Variants in VPS35L observed in about 807,000 individuals in gnomAD.
VPS35L encodes VPS35 endosomal protein-sorting factor-like.
VPS35L carries 83 observed loss-of-function variants against 133.0 expected under a neutral mutation model. That is an observed-to-expected ratio of 0.62 (90% CI 0.52 to 0.75). The LOEUF (loss-of-function observed/expected upper bound fraction) is 0.75. VPS35L is among the 30% of genes least tolerant of loss of function. The pLI, the probability that VPS35L is intolerant of heterozygous loss-of-function variation, is 0.00. For synonymous variants in VPS35L, 423 were observed against 449.9 expected, an observed-to-expected ratio of 0.94 and a Z score of 0.76; for missense variants, 1,083 against 1,206.8, an observed-to-expected ratio of 0.90 and a Z score of 1.52.
At chr16:19,647,378 TAGG>T (rs1201924045) in intron 23 of VPS35L, among the ~76,000 whole-genome samples, 2 of 152,122 alleles carry the variant, frequency 1.3e-5, no homozygotes, top group Admixed American at 6.5e-5. Context: ...TTTGAAGAAA[TAGG>T]AGAAGAGAGG....
chr16:19,603,571 T>C (rs1485678361), intron 9 of VPS35L, among the ~76,000 whole-genome samples: 1 of 152,152 alleles, frequency 6.6e-6, no homozygotes, highest in Non-Finnish European at 1.5e-5. Flanking sequence ...TCCACGCCAC[T>C]GCGTCACACC....
At chr16:19,584,651 C>T (rs1465427466) in intron 7 of VPS35L, among the ~76,000 whole-genome samples, 1 of 144,596 alleles carries the variant, frequency 6.9e-6, no homozygotes, top group Non-Finnish European at 1.5e-5. Flanking sequence ...AAAAGAGTTT[C>T]CTTTTCTCTG....
intron 14 of VPS35L, among the ~76,000 whole-genome samples, chr16:19,625,589 C>T (rs930699344): frequency 2.6e-5 from 4 of 152,162 alleles, no homozygotes; most frequent in Non-Finnish European, 4.4e-5. Flanking sequence ...GAGTTGGCAA[C>T]TCTTCCGAAG....
intron 8 of VPS35L, among the ~76,000 whole-genome samples, chr16:19,600,333 A>G (rs544421947): frequency 6.6e-6 from 1 of 152,204 alleles, no homozygotes; most frequent in Non-Finnish European, 1.5e-5. Flanking sequence ...GAAAATGAAT[A>G]AGGACTCTAA....
chr16:19,583,232 C>G (rs2151519434), intron 7 of VPS35L, among the ~76,000 whole-genome samples: 1 of 152,158 alleles, frequency 6.6e-6, no homozygotes, highest in Non-Finnish European at 1.5e-5. Context: ...TTCCCCCGAG[C>G]CTGTCTGTAA....
intron 27 of VPS35L, among the ~76,000 whole-genome samples, chr16:19,672,556 C>G (rs1974912042): frequency 6.6e-6 from 1 of 152,204 alleles, no homozygotes; most frequent in Non-Finnish European, 1.5e-5. Flanking sequence ...TGTTCAGATT[C>G]CAAGTCTTCA....
At chr16:19,555,777 G>A (rs1253852964) in intron 1 of VPS35L, 31 bp downstream of exon 1, 4 of 1,560,890 alleles carry the variant, frequency 2.6e-6, no homozygotes, top group Non-Finnish European at 3.5e-6. Flanking sequence ...GGGCTTTGGA[G>A]AGGGGCTGTC....
intron 17 of VPS35L, among the ~76,000 whole-genome samples, chr16:19,629,474 C>G (rs991628791): frequency 6.6e-6 from 1 of 151,500 alleles, no homozygotes; most frequent in Non-Finnish European, 1.5e-5. Flanking sequence ...GCGTTCAGAA[C>G]TGCCATAAAA....
At chr16:19,654,513 C>T (rs1303077444) in intron 26 of VPS35L, among the ~76,000 whole-genome samples, 3 of 149,014 alleles carry the variant, frequency 2.0e-5, no homozygotes, top group Admixed American at 1.3e-4. Context: ...GAGCCGAGAT[C>T]GCACCACTTG....
rs749765639 is a variant in VPS35L at position 19,682,321 on chromosome 16, A to G, written c.2458A>G (p.Ile820Val). Reference protein sequence around the residue: ...WEDNSDEKIRIYTCVLHLLSA... With the variant: ...WEDNSDEKIRVYTCVLHLLSA... ...GGACAACAGCGATGAGAAAATCCGC[A>G]TCTACACCTGCGTCCTGCATCTCCT... Residue 820 changes from isoleucine to valine, a missense_variant, in exon 28 of 31, where the codon ATC (isoleucine) becomes GTC (valine). Physicochemically the swap from Ile to Val is conservative, Grantham distance 29. Transcript: ENST00000417362. 3.7e-6 allele frequency: 6 copies of G among 1,614,022 alleles called. No individual in the cohort carries two copies. The highest frequency in any genetic ancestry group is 5.1e-6 in the Non-Finnish European group (6 of 1,180,026).
chr16:19,621,055 G>C (rs1044063653), intron 14 of VPS35L, among the ~76,000 whole-genome samples: 1 of 152,118 alleles, frequency 6.6e-6, no homozygotes, highest in Non-Finnish European at 1.5e-5. Context: ...TATATCCATG[G>C]CATGGATTAA....
chr16:19,700,353 G>C, intron 30 of VPS35L, 25 bp from the exon 31 acceptor site: 2 of 1,586,530 alleles, frequency 1.3e-6, no homozygotes, highest in Middle Eastern at 3.3e-4. Flanking sequence ...CCAGAAAGGA[G>C]ATGGATCTTT....
chr16:19,660,901 A>G (rs1416848610), intron 26 of VPS35L, among the ~76,000 whole-genome samples: 3 of 152,196 alleles, frequency 2.0e-5, no homozygotes, highest in South Asian at 4.1e-4. Context: ...AAAGTCTCCA[A>G]TAATATGCTG....
chr16:19,573,400 G>A, intron 4 of VPS35L, 159 bp downstream of exon 4: 1 of 798,476 alleles, frequency 1.3e-6, no homozygotes, highest in South Asian at 2.1e-5. Context: ...TAGTATGTCA[G>A]TGTTGTTGGC....
At chr16:19,679,980 G>A (rs1012458865) in intron 27 of VPS35L, among the ~76,000 whole-genome samples, 6 of 152,336 alleles carry the variant, frequency 3.9e-5, no homozygotes, top group Middle Eastern at 6.8e-3. Flanking sequence ...CTGACTGCAT[G>A]TATGCCTCCC....
chr16:19,642,163 T>C (rs1248568970), intron 21 of VPS35L, among the ~76,000 whole-genome samples: 4 of 152,100 alleles, frequency 2.6e-5, no homozygotes, highest in African/African-American at 9.7e-5. Context: ...TGAGCTGAGG[T>C]CACATCACTG....
intron 7 of VPS35L, among the ~76,000 whole-genome samples, chr16:19,591,075 T>G (rs1368115089): frequency 6.6e-6 from 1 of 152,226 alleles, no homozygotes; most frequent in Non-Finnish European, 1.5e-5. Flanking sequence ...TTTTCAGCAT[T>G]GAAGGTCATA....
At chr16:19,559,716 A>G (rs952042634) in intron 1 of VPS35L, among the ~76,000 whole-genome samples, 1 of 148,118 alleles carries the variant, frequency 6.8e-6, no homozygotes, top group Admixed American at 6.8e-5. Context: ...CACAAGCAGT[A>G]TTTTTTTTTT....
intron 7 of VPS35L, among the ~76,000 whole-genome samples, chr16:19,583,755 T>C (rs1971778735): frequency 6.6e-6 from 1 of 150,582 alleles, no homozygotes. Flanking sequence ...GAAAAGAAAA[T>C]ACACAATAAA....
Sources: gnomAD v4.1 joint callset for allele counts (sites outside exome capture counted in the v4.1 genomes callset) on GRCh38, gnomAD v4.1.1 for gene constraint, MANE v1.5 for transcripts, NCBI Gene and HGNC (gene_info 2026-07-23, HGNC 2026-07-21) for gene names.